The following CCDC122 variants were observed in gnomAD, a reference collection of about 807,000 sequenced individuals.
CCDC122 encodes the protein coiled-coil domain containing 122.
CCDC122 carries 38 observed loss-of-function variants against 37.0 expected under a neutral mutation model. The ratio of observed to expected loss-of-function variants is 1.03; its 90% CI spans 0.79 to 1.35. CCDC122 has a LOEUF of 1.35. Among genes scored for constraint, CCDC122 ranks in the 40% most tolerant of loss-of-function variants. CCDC122 has a pLI of 0.00. For synonymous variants in CCDC122, 83 were observed against 95.6 expected (o/e 0.87, Z 0.77); for missense variants, 305 against 310.0 (o/e 0.98, Z 0.12).
At chr13:43,871,041 C>T (rs1954432800) in intron 2 of CCDC122, among the ~76,000 whole-genome samples, 1 of 152,080 alleles carries the variant, frequency 6.6e-6, no homozygotes, top group Non-Finnish European at 1.5e-5. Flanking sequence ...CTTCGTCCTC[C>T]TTACACGTGG....
At chr13:43,851,731 G>A (rs965891421) in intron 6 of CCDC122, among the ~76,000 whole-genome samples, 2 of 152,130 alleles carry the variant, frequency 1.3e-5, no homozygotes, top group Non-Finnish European at 2.9e-5. Context: ...ATAGTGACCA[G>A]CAGTCTGGGA....
chr13:43,859,899 C>T lies in CCDC122; in HGVS notation c.328G>A (p.Asp110Asn), dbSNP rs546295062. Residue 110 changes from aspartate (D) to asparagine (N), a missense_variant, in exon 5 of 7, where the codon GAC becomes AAC. Asp to Asn is a conservative substitution (Grantham distance 23, BLOSUM62 1). Coordinates refer to ENST00000444614, the MANE Select transcript of CCDC122 (RefSeq NM_144974.5). ...LHSENVKLKF[D>N]IETAQEDFEE... is the part of the protein sequence containing the mutation. ...AAATCTTCTTGGGCTGTTTCTATGT[C>T]AAATTTAAGCTTTACATTTTCTGAA... is the stretch of plus-strand genomic sequence containing the variant. 5.6e-5 allele frequency: 90 copies of T among 1,607,278 alleles called. No individual in the cohort carries two copies. In the Middle Eastern group the frequency reaches 9.9e-4, roughly 18 times the overall value.
downstream of CCDC122, among the ~76,000 whole-genome samples, chr13:43,820,321 T>C (rs1952984341): frequency 6.6e-6 from 1 of 152,162 alleles, no homozygotes; most frequent in South Asian, 2.1e-4. Flanking sequence ...TACTATTTCC[T>C]AATTTAAAAA....
At chr13:43,859,600 T>G in intron 5 of CCDC122, 72 bp downstream of exon 5, 1 of 1,142,276 alleles carries the variant, frequency 8.8e-7, no homozygotes, top group Non-Finnish European at 1.2e-6. Context: ...CACAATAAAT[T>G]TATCATTTAA....
intron 5 of CCDC122, 58 bp downstream of exon 5, chr13:43,859,614 A>AT: frequency 8.0e-7 from 1 of 1,254,760 alleles, no homozygotes; most frequent in Non-Finnish European, 1.1e-6. Flanking sequence ...CATTTAATGT[A>AT]TGTACTTGCA....
At chr13:43,834,597 C>T (rs201607582), downstream of CCDC122, among the ~76,000 whole-genome samples, 99 of 151,664 alleles carry the variant, frequency 6.5e-4, 1 homozygote, top group East Asian at 0.017. Context: ...TACAATGAAC[C>T]CCAACAAATT....
downstream of CCDC122, among the ~76,000 whole-genome samples, chr13:43,821,279 A>C (rs1057011018): frequency 3.3e-5 from 5 of 152,212 alleles, no homozygotes; most frequent in African/African-American, 1.2e-4. Context: ...ACTGGAGTGC[A>C]GTGGCACAAT....
chr13:43,859,239 C>T (rs1247937605), intron 5 of CCDC122, among the ~76,000 whole-genome samples: 1 of 152,068 alleles, frequency 6.6e-6, no homozygotes, highest in African/African-American at 2.4e-5. Context: ...CTTCAAAGAA[C>T]AGTAAGAGAA....
At chr13:43,826,971 A>C (rs1262161472) in intron 3 of CCDC122, among the ~76,000 whole-genome samples, 1 of 152,182 alleles carries the variant, frequency 6.6e-6, no homozygotes, top group East Asian at 1.9e-4. Flanking sequence ...GAGAACTGTT[A>C]TGATTTCCAT....
intron 4 of CCDC122, among the ~76,000 whole-genome samples, chr13:43,864,750 C>T (rs2153877050): frequency 6.6e-6 from 1 of 152,180 alleles, no homozygotes; most frequent in East Asian, 1.9e-4. Context: ...AACCATAGGA[C>T]CTTGGGATTT....
intron 6 of CCDC122, among the ~76,000 whole-genome samples, chr13:43,853,380 TAAAAAG>T: frequency 6.6e-6 from 1 of 152,136 alleles, no homozygotes; most frequent in East Asian, 1.9e-4. Context: ...AGCAAAGATT[TAAAAAG>T]AAAAAGAAGG....
At chr13:43,846,081 CT>C (rs200622527) in intron 6 of CCDC122, among the ~76,000 whole-genome samples, 21 of 148,292 alleles carry the variant, frequency 1.4e-4, no homozygotes, top group African/African-American at 3.5e-4. Context: ...TTTCTTTTTT[CT>C]TTTTTTTTTG....
At chr13:43,825,172 C>G (rs1953028035) in intron 3 of CCDC122, among the ~76,000 whole-genome samples, 2 of 152,080 alleles carry the variant, frequency 1.3e-5, no homozygotes, top group Admixed American at 1.3e-4. Flanking sequence ...AAATGGTGGA[C>G]TGGATAAATA....
intron 6 of CCDC122, among the ~76,000 whole-genome samples, chr13:43,840,842 A>T (rs538680964): frequency 6.6e-6 from 1 of 151,838 alleles, no homozygotes; most frequent in South Asian, 2.1e-4. Flanking sequence ...TGCAATAAAC[A>T]TACATGTGCA....
chr13:43,841,515 C>A (rs1038602068), intron 6 of CCDC122, among the ~76,000 whole-genome samples: 21 of 152,166 alleles, frequency 1.4e-4, no homozygotes, highest in African/African-American at 3.1e-4. Context: ...CATCTTTTCA[C>A]GTGTTTATTG....
In CCDC122 at chr13:43,859,791, A is replaced by G. The variant is rs773933564; in HGVS notation, c.436T>C (p.Trp146Arg). The G allele has an allele frequency of 2.5e-6, 4 of 1,609,966 alleles. No individual in the cohort carries two copies. In the Admixed American group the frequency reaches 5.1e-5, roughly 20 times the overall value. The change falls in exon 5 of 7, where the codon TGG (tryptophan) becomes CGG (arginine). Residue 146 changes from tryptophan (W) to arginine (R), a missense_variant. Trp to Arg is a moderately radical substitution (Grantham distance 101, BLOSUM62 -3). Transcript: ENST00000444614. ...TCATGGAGTTCAGTCATAAATGACC[A>G]TTTGCTCTCTACTTCCCCCAAACTA... ...KNSLGEVESK[W>R]SFMTELHEKR...
chr13:43,838,272 T>C (rs903277811), intron 6 of CCDC122, among the ~76,000 whole-genome samples: 1 of 152,182 alleles, frequency 6.6e-6, no homozygotes, highest in African/African-American at 2.4e-5. Flanking sequence ...TTAAGAAAAA[T>C]GGTTCCATTT....
chr13:43,868,882 A>G (rs1054209109), intron 3 of CCDC122, 79 bp from the exon 4 acceptor site: 1 of 621,368 alleles, frequency 1.6e-6, no homozygotes, highest in Admixed American at 4.0e-5. Flanking sequence ...TTCTTTACTC[A>G]AAATCATGAA....
downstream of CCDC122, among the ~76,000 whole-genome samples, chr13:43,822,682 C>T (rs1047528591): frequency 2.0e-5 from 3 of 152,204 alleles, no homozygotes; most frequent in Non-Finnish European, 4.4e-5. Context: ...CTTCTCCCTC[C>T]TTTTCACAGA....
Sources: gnomAD v4.1 joint callset for allele counts (sites outside exome capture counted in the v4.1 genomes callset) on GRCh38, gnomAD v4.1.1 for gene constraint, MANE v1.5 for transcripts, NCBI Gene and HGNC (gene_info 2026-07-23, HGNC 2026-07-21) for gene names.